Variants in SDK1 observed in about 807,000 individuals in gnomAD.
SDK1 encodes the protein sidekick cell adhesion molecule 1.
SDK1 carries 157 observed loss-of-function variants against 245.5 expected under a neutral mutation model. The observed-to-expected ratio is 0.64, with a 90% CI of 0.56 to 0.73. The LOEUF is 0.73. SDK1 is among the 30% of genes least tolerant of loss of function. The pLI, the probability that SDK1 is intolerant of heterozygous loss-of-function variation, is 0.00. For synonymous variants in SDK1, 1,647 were observed against 1,278.5 expected (o/e 1.29, Z -6.15); for missense variants, 3,583 against 3,002.3 (o/e 1.19, Z -4.52).
chr7:4,100,304 G>A (rs1369302542), intron 22 of SDK1, among the ~76,000 whole-genome samples: 1 of 152,190 alleles, frequency 6.6e-6, no homozygotes, highest in African/African-American at 2.4e-5. Context: ...GGCAGACATG[G>A]CCTCCAGGAG....
chr7:3,916,550 C>T (rs1316122723), intron 5 of SDK1, among the ~76,000 whole-genome samples: 2 of 152,190 alleles, frequency 1.3e-5, no homozygotes, highest in African/African-American at 4.8e-5. Context: ...ATAGGCAAAT[C>T]AGTTGTTTTA....
intron 4 of SDK1, among the ~76,000 whole-genome samples, chr7:3,680,849 T>TTATG (rs1324888880): frequency 6.6e-6 from 1 of 152,064 alleles, no homozygotes; most frequent in Admixed American, 6.5e-5. Context: ...ATTTATTTAT[T>TTATG]TATGTATTTT....
chr7:3,560,208 C>G (rs10257937), intron 1 of SDK1, among the ~76,000 whole-genome samples: 32,650 of 152,080 alleles, frequency 0.21, 3,733 homozygotes, highest in South Asian at 0.35. Flanking sequence ...TCTTGAATAC[C>G]CTAGCGTATC....
chr7:3,505,009 G>A (rs1782346281), intron 1 of SDK1, among the ~76,000 whole-genome samples: 2 of 152,066 alleles, frequency 1.3e-5, no homozygotes, highest in African/African-American at 2.4e-5. Flanking sequence ...AATGCCCAGT[G>A]GTGATACAAC....
chr7:4,050,431 C>T (rs1476932527), intron 18 of SDK1, among the ~76,000 whole-genome samples: 1 of 152,182 alleles, frequency 6.6e-6, no homozygotes, highest in Non-Finnish European at 1.5e-5. Context: ...CCTCTCCTGT[C>T]GAGTCTCGTT....
At chr7:3,320,897 T>TA (rs58056812) in intron 1 of SDK1, among the ~76,000 whole-genome samples, 7 of 150,562 alleles carry the variant, frequency 4.6e-5, no homozygotes, top group Non-Finnish European at 7.4e-5. Flanking sequence ...AAATGTGGGT[T>TA]AAAAAAAAAA....
rs1258328016 is a variant in SDK1 at position 3,580,981 on chromosome 7, AAAAAAAAAAAAAACCAAAAC to A, written c.299-38094_299-38075del. Among the ~76,000 whole-genome samples, 11 of 139,352 alleles carry A rather than the reference AAAAAAAAAAAAAACCAAAAC, an allele frequency of 7.9e-5. No homozygotes were observed. The East Asian group carries it at 1.3e-3, about 16-fold the overall frequency. 91.4% of individuals were successfully genotyped at this position (139,352 alleles called of 152,430 possible). On this transcript the variant is annotated intron_variant, in intron 1 of 44. Transcript: ENST00000404826. ...AAGACTCCATCTCAAAAAAAAAAAA[AAAAAAAAAAAAAACCAAAAC>A]AAAACCCTGGAAGACAATCTATGCA...
intron 5 of SDK1, among the ~76,000 whole-genome samples, chr7:3,855,591 T>C (rs1176631095): frequency 6.6e-6 from 1 of 151,784 alleles, no homozygotes; most frequent in South Asian, 2.1e-4. Flanking sequence ...ACATAGAAGA[T>C]AGAGCCAGCA....
At chr7:3,660,986 T>C (rs1248278286) in intron 4 of SDK1, among the ~76,000 whole-genome samples, 1 of 152,208 alleles carries the variant, frequency 6.6e-6, no homozygotes, top group African/African-American at 2.4e-5. Context: ...GAGAATTACC[T>C]CTGCTGAGTA....
intron 4 of SDK1, among the ~76,000 whole-genome samples, chr7:3,814,261 C>T (rs1320881325): frequency 7.3e-5 from 11 of 151,176 alleles, no homozygotes; most frequent in Admixed American, 7.3e-4. Flanking sequence ...ATGTTTAAAT[C>T]TTTAATCCAT....
chr7:3,602,781 G>C (rs1199314748), intron 1 of SDK1, among the ~76,000 whole-genome samples: 7 of 150,958 alleles, frequency 4.6e-5, no homozygotes, highest in South Asian at 2.1e-4. Flanking sequence ...TATTGCCTAG[G>C]TTTTCTTCTA....
chr7:3,653,228 C>A (rs922489880), intron 4 of SDK1, among the ~76,000 whole-genome samples: 2 of 152,202 alleles, frequency 1.3e-5, no homozygotes, highest in Admixed American at 6.5e-5. Context: ...CGTGCAGCCT[C>A]TCTGAAGTCA....
At chr7:3,310,016 G>T (rs1779513084) in intron 1 of SDK1, among the ~76,000 whole-genome samples, 1 of 152,118 alleles carries the variant, frequency 6.6e-6, no homozygotes, top group Non-Finnish European at 1.5e-5. Flanking sequence ...TTTACATTTG[G>T]CAAGTTTAGT....
Position 3,590,119 on chromosome 7 carries a change from A to G in SDK1, c.299-28961A>G, listed in dbSNP as rs79813546. Among the ~76,000 whole-genome samples, 192 of 152,286 alleles carry G rather than the reference A, an allele frequency of 1.3e-3. 4 individuals carry two copies. In the East Asian group the frequency reaches 0.033, roughly 26 times the overall value. ...CACTATTACAGACTTATAAAATGGA[A>G]AACTAAAATTGGAATGTAAAGCTTA... On this transcript the variant is annotated intron_variant, in intron 1 of 44. Coordinates refer to ENST00000404826, the MANE Select transcript of SDK1 (RefSeq NM_152744.4).
intron 29 of SDK1, among the ~76,000 whole-genome samples, chr7:4,146,586 A>C (rs996795830): frequency 6.6e-6 from 1 of 152,258 alleles, no homozygotes; most frequent in Non-Finnish European, 1.5e-5. Context: ...GCAGAGGCTG[A>C]GTACCTGGGG....
At chr7:3,369,678 T>G (rs1245121973) in intron 1 of SDK1, among the ~76,000 whole-genome samples, 5 of 152,184 alleles carry the variant, frequency 3.3e-5, no homozygotes. Flanking sequence ...CACTGAAGAG[T>G]TGACTTTAAA....
At chr7:3,456,562 T>C (rs1241793656) in intron 1 of SDK1, among the ~76,000 whole-genome samples, 1 of 152,258 alleles carries the variant, frequency 6.6e-6, no homozygotes, top group East Asian at 1.9e-4. Context: ...TTCATTTGTT[T>C]TTAAAAAAAT....
intron 1 of SDK1, among the ~76,000 whole-genome samples, chr7:3,491,594 T>G (rs1469177273): frequency 6.6e-6 from 1 of 152,232 alleles, no homozygotes; most frequent in African/African-American, 2.4e-5. Context: ...CTGATGAGAT[T>G]TACTTAGAAA....
intron 5 of SDK1, among the ~76,000 whole-genome samples, chr7:3,932,471 C>A (rs761344371): frequency 6.6e-5 from 10 of 152,292 alleles, no homozygotes; most frequent in Non-Finnish European, 1.2e-4. Context: ...TGGGTCATAT[C>A]AGAAAATGCC....
Sources: gnomAD v4.1 joint callset for allele counts (sites outside exome capture counted in the v4.1 genomes callset) on GRCh38, gnomAD v4.1.1 for gene constraint, MANE v1.5 for transcripts, NCBI Gene and HGNC (gene_info 2026-07-23, HGNC 2026-07-21) for gene names.